Variants in MCMBP observed in about 807,000 individuals in gnomAD.
The protein encoded by MCMBP is mini-chromosome maintenance complex-binding protein.
In MCMBP, 31 loss-of-function variants were observed where a neutral mutation model predicts 81.3. The ratio of observed to expected loss-of-function variants is 0.38; its 90% CI spans 0.29 to 0.51. The LOEUF (loss-of-function observed/expected upper bound fraction) is 0.51, where lower values mean the gene tolerates loss of function less well. MCMBP is among the 20% of genes least tolerant of loss of function. MCMBP has a pLI of 0.87. For missense variants in MCMBP, 645 were observed against 772.1 expected, an observed-to-expected ratio of 0.84 and a Z score of 1.95; for synonymous variants, 267 against 275.9, an observed-to-expected ratio of 0.97 and a Z score of 0.32.
intron 14 of MCMBP, among the ~76,000 whole-genome samples, chr10:119,832,502 T>C (rs1466457205): frequency 1.3e-5 from 2 of 152,312 alleles, no homozygotes; most frequent in East Asian, 1.9e-4. Flanking sequence ...CAGGTGATTA[T>C]TGGTAAGAAT....
chr10:119,831,918 C>T (rs764399192), intron 15 of MCMBP, 94 bp downstream of exon 15: 61 of 1,278,288 alleles, frequency 4.8e-5, no homozygotes, highest in South Asian at 4.7e-4. Flanking sequence ...AGTTCATTTC[C>T]GTTTTTAGAA....
chr10:119,872,181 C>T (rs917060377), intron 1 of MCMBP, among the ~76,000 whole-genome samples: 2 of 152,138 alleles, frequency 1.3e-5, no homozygotes, highest in Non-Finnish European at 2.9e-5. Flanking sequence ...CGAGGACCTC[C>T]GAGTTTGCTG....
At chr10:119,856,280 A>G (rs2134384834) in intron 5 of MCMBP, among the ~76,000 whole-genome samples, 1 of 152,342 alleles carries the variant, frequency 6.6e-6, no homozygotes, top group East Asian at 1.9e-4. Flanking sequence ...GTAGTTTAAA[A>G]TGTTCTCACA....
intron 1 of MCMBP, among the ~76,000 whole-genome samples, chr10:119,868,123 G>T (rs1853538314): frequency 6.6e-6 from 1 of 152,148 alleles, no homozygotes; most frequent in African/African-American, 2.4e-5. Context: ...ACCAATAGTT[G>T]AAGGGAAAAC....
intron 10 of MCMBP, 125 bp downstream of exon 10, chr10:119,842,347 G>A (rs2134353723): frequency 9.4e-7 from 1 of 1,065,224 alleles, no homozygotes; most frequent in Admixed American, 2.4e-5. Flanking sequence ...GTTAACACTG[G>A]ACAGATAAAA....
At chr10:119,863,728 CAAAAAAAAAAAAAAAAAAAAAAAA>C (rs57266961) in intron 1 of MCMBP, among the ~76,000 whole-genome samples, 7 of 20,204 alleles carry the variant, frequency 3.5e-4, no homozygotes, top group Admixed American at 1.6e-3. Flanking sequence ...GGCTCAGACT[CAAAAAAAAAAAAAAAAAAAAAAAA>C]AAAAAAAAAA....
chr10:119,864,568 T>C (rs1589800694), intron 1 of MCMBP, among the ~76,000 whole-genome samples: 1 of 151,636 alleles, frequency 6.6e-6, no homozygotes, highest in African/African-American at 2.4e-5. Context: ...TGGCTAGAGG[T>C]TTACAATTTT....
intron 1 of MCMBP, among the ~76,000 whole-genome samples, chr10:119,870,390 T>C (rs374465258): frequency 6.6e-6 from 1 of 151,762 alleles, no homozygotes; most frequent in East Asian, 1.9e-4. Context: ...GAGGTTGCAG[T>C]GAGCCGAGAT....
At chr10:119,870,418 G>C (rs1402203738) in intron 1 of MCMBP, among the ~76,000 whole-genome samples, 2 of 151,866 alleles carry the variant, frequency 1.3e-5, no homozygotes, top group African/African-American at 4.8e-5. Flanking sequence ...CTGCACTCCA[G>C]CCTGGGTGAC....
chr10:119,871,258 A>G (rs1853660614), intron 1 of MCMBP, among the ~76,000 whole-genome samples: 1 of 152,190 alleles, frequency 6.6e-6, no homozygotes, highest in South Asian at 2.1e-4. Context: ...TATCATTTCT[A>G]GAATTCTTAT....
intron 1 of MCMBP, among the ~76,000 whole-genome samples, chr10:119,866,091 TAAA>T (rs60232741): frequency 7.7e-6 from 1 of 129,400 alleles, no homozygotes; most frequent in Non-Finnish European, 1.7e-5. Context: ...CTCTATCTCT[TAAA>T]AAAAAAAAAA....
chr10:119,850,908 C>G (rs1852801316), intron 6 of MCMBP, among the ~76,000 whole-genome samples: 1 of 144,516 alleles, frequency 6.9e-6, no homozygotes, highest in Non-Finnish European at 1.5e-5. Context: ...AGAGTCTCAC[C>G]CTGTCACCCA....
rs926871367 is a variant in MCMBP at position 119,865,902 on chromosome 10, C to T, written c.59-6018G>A. On this transcript the variant is annotated intron_variant, in intron 1 of 15. Coordinates refer to ENST00000369077, the MANE Select transcript of MCMBP (RefSeq NM_001256378.2). ...TGTAGCCTGGGCAACATAGTGAGAC[C>T]CCAAATCTACAAAAAATGATTTAAA... Among the ~76,000 whole-genome samples the T allele has an allele frequency of 4.6e-5, 7 of 150,796 alleles. No individual in the cohort carries two copies. In the South Asian group the frequency reaches 6.3e-4, roughly 14 times the overall value.
At chr10:119,842,731 G>T in intron 9 of MCMBP, 136 bp from the exon 10 acceptor site, 2 of 889,830 alleles carry the variant, frequency 2.2e-6, no homozygotes, top group Non-Finnish European at 3.2e-6. Flanking sequence ...GTCAGTAAGT[G>T]ATGCTAATCT....
chr10:119,852,057 C>T (rs1852842333), intron 6 of MCMBP, among the ~76,000 whole-genome samples: 1 of 143,350 alleles, frequency 7.0e-6, no homozygotes, highest in African/African-American at 2.6e-5. Flanking sequence ...GAGGCTGAGG[C>T]AGGAGAATTG....
At chr10:119,846,144 G>A (rs1852612154) in intron 8 of MCMBP, among the ~76,000 whole-genome samples, 1 of 152,154 alleles carries the variant, frequency 6.6e-6, no homozygotes, top group African/African-American at 2.4e-5. Context: ...CGATGAAGCT[G>A]CAACAGCTTA....
At chr10:119,857,499 T>C (rs1043363263) in intron 4 of MCMBP, 60 bp from the exon 5 acceptor site, 4 of 1,118,430 alleles carry the variant, frequency 3.6e-6, no homozygotes, top group Non-Finnish European at 5.2e-6. Context: ...AAATTTATTT[T>C]AAAATTAGCA....
chr10:119,838,791 GA>G, intron 11 of MCMBP, 91 bp from the exon 12 acceptor site: 3 of 1,170,216 alleles, frequency 2.6e-6, no homozygotes, highest in Non-Finnish European at 1.2e-6. Flanking sequence ...GTTTCATATG[GA>G]AAAAGTGATC....
rs1406495449 is a variant in MCMBP, at chr10:119,834,883, A to AG, written c.1707+656_1707+657insC. Among the ~76,000 whole-genome samples the AG allele has an allele frequency of 2.9e-3, 440 of 149,824 alleles. 1 individual carries two copies. The highest frequency in any genetic ancestry group is 0.014 in the Middle Eastern group (4 of 288). Reference sequence around the variant, plus strand: ...TCTCAAAAAAAAAAAAAAAAAAAAAAAAGAATTTGCACAAGTAGACCTGCC... The same window carrying AG: ...TCTCAAAAAAAAAAAAAAAAAAAAAAGAAGAATTTGCACAAGTAGACCTGCC... On this transcript the variant is annotated intron_variant, in intron 14 of 15. Coordinates refer to ENST00000369077, the MANE Select transcript of MCMBP (RefSeq NM_001256378.2).
Sources: gnomAD v4.1 joint callset for allele counts (sites outside exome capture counted in the v4.1 genomes callset) on GRCh38, gnomAD v4.1.1 for gene constraint, MANE v1.5 for transcripts, NCBI Gene and HGNC (gene_info 2026-07-23, HGNC 2026-07-21) for gene names.